Variants in KSR1 observed in about 807,000 individuals in gnomAD.
KSR1 encodes kinase suppressor of ras 1.
KSR1 carries 35 observed loss-of-function variants against 92.9 expected under a neutral mutation model. That is an observed-to-expected ratio of 0.38 (90% confidence interval 0.29 to 0.50). The LOEUF is 0.50. KSR1 is among the 20% of genes least tolerant of loss of function. KSR1 has a pLI of 0.94. For missense variants in KSR1, 972 were observed against 1,158.5 expected (o/e 0.84, Z 2.34); for synonymous variants, 467 against 472.6 (o/e 0.99, Z 0.15).
chr17:27,474,956 G>A lies in KSR1; in HGVS notation c.231+18082G>A, dbSNP rs115277506. 8.7e-4 allele frequency among the ~76,000 whole-genome samples: 132 copies of A among 152,276 alleles called. 2 individuals are homozygous for A. Among genetic ancestry groups the A allele is most frequent in the African/African-American group, 3.1e-3 (127 of 41,540 alleles). ...AAGGAAAATGTGTTATCTGTTAAGT[G>A]GTAAAAGTGCTGTGGAGAAAATGAA... On this transcript the variant is annotated intron_variant, in intron 1 of 20. Coordinates refer to ENST00000644974, the MANE Select transcript of KSR1 (RefSeq NM_001394583.1).
At chr17:27,470,584 C>T (rs1333308235) in intron 1 of KSR1, among the ~76,000 whole-genome samples, 1 of 152,060 alleles carries the variant, frequency 6.6e-6, no homozygotes, top group African/African-American at 2.4e-5. Context: ...CCATATTGGC[C>T]AGGCTGATCT....
At chr17:27,505,576 G>C (rs1313332405) in intron 1 of KSR1, among the ~76,000 whole-genome samples, 1 of 67,294 alleles carries the variant, frequency 1.5e-5, no homozygotes, top group Non-Finnish European at 3.1e-5. Flanking sequence ...CTGGCTGTGT[G>C]GTCTTGAGCA....
intron 1 of KSR1, among the ~76,000 whole-genome samples, chr17:27,500,332 C>T (rs900564981): frequency 2.0e-5 from 3 of 152,158 alleles, no homozygotes; most frequent in Non-Finnish European, 4.4e-5. Flanking sequence ...AAGTGATGTT[C>T]CCAAGGCCAC....
chr17:27,601,767 G>A lies in KSR1; in HGVS notation c.1510+366G>A, dbSNP rs539820323. The A allele has an allele frequency of 1.4e-3, 966 of 697,778 alleles. 4 individuals carry two copies. The highest frequency in any genetic ancestry group is 1.6e-3 in the Non-Finnish European group (654 of 410,356). 43.2% of individuals were successfully genotyped at this position (697,778 alleles called of 1,614,324 possible). ...TAATGCCTTATGAGCATATGTCACC[G>A]TATCCTCCCTTGCACAATGATGGGA... On this transcript the variant is annotated intron_variant, in intron 11 of 20. Transcript: ENST00000644974.
At chr17:27,603,234 G>A (rs148469812) in intron 11 of KSR1, among the ~76,000 whole-genome samples, 57 of 152,346 alleles carry the variant, frequency 3.7e-4, no homozygotes, top group South Asian at 8.3e-4. Flanking sequence ...CCCCTGATAT[G>A]TGGCGTTTCT....
chr17:27,532,822 C>T (rs949957656), intron 1 of KSR1, among the ~76,000 whole-genome samples: 1 of 152,228 alleles, frequency 6.6e-6, no homozygotes, highest in Non-Finnish European at 1.5e-5. Flanking sequence ...TCAGTGATGT[C>T]TCCATCTGCA....
At chr17:27,508,118 A>G (rs1435050295) in intron 1 of KSR1, among the ~76,000 whole-genome samples, 1 of 152,176 alleles carries the variant, frequency 6.6e-6, no homozygotes, top group African/African-American at 2.4e-5. Flanking sequence ...TCACTGTGGC[A>G]GCCACCCTGC....
chr17:27,593,471 G>A (rs777304483), intron 9 of KSR1, among the ~76,000 whole-genome samples: 14 of 152,262 alleles, frequency 9.2e-5, no homozygotes, highest in East Asian at 1.9e-4. Context: ...CAGTTGCCCC[G>A]TGGCTGTGGC....
intron 1 of KSR1, among the ~76,000 whole-genome samples, chr17:27,478,796 G>A (rs1378691612): frequency 6.6e-6 from 1 of 152,118 alleles, no homozygotes; most frequent in Non-Finnish European, 1.5e-5. Flanking sequence ...GCTTTGTCAT[G>A]CTGTGACCCT....
chr17:27,461,241 C>G (rs2019421569), intron 1 of KSR1, among the ~76,000 whole-genome samples: 1 of 152,042 alleles, frequency 6.6e-6, no homozygotes, highest in African/African-American at 2.4e-5. Flanking sequence ...CCACTATGTC[C>G]AGCTAATTTT....
At chr17:27,563,254 T>C (rs550453066) in intron 2 of KSR1, among the ~76,000 whole-genome samples, 1 of 152,240 alleles carries the variant, frequency 6.6e-6, no homozygotes, top group Admixed American at 6.5e-5. Flanking sequence ...TTTTCCTTTC[T>C]CCTTTCCTGT....
At chr17:27,477,131 G>C (rs1462249726) in intron 1 of KSR1, among the ~76,000 whole-genome samples, 1 of 152,214 alleles carries the variant, frequency 6.6e-6, no homozygotes, top group African/African-American at 2.4e-5. Flanking sequence ...GAGTGTAGCA[G>C]TGAGAACAAC....
chr17:27,480,894 G>T (rs986551300), intron 1 of KSR1, among the ~76,000 whole-genome samples: 4 of 152,200 alleles, frequency 2.6e-5, no homozygotes, highest in African/African-American at 9.7e-5. Context: ...TTAGTCGCAT[G>T]CGTGTGTGTT....
chr17:27,608,533 T>G (rs892135232), intron 15 of KSR1, among the ~76,000 whole-genome samples: 5 of 152,192 alleles, frequency 3.3e-5, no homozygotes, highest in Admixed American at 6.5e-5. Context: ...TTAGTTCAAA[T>G]AGAGCATTGG....
chr17:27,561,837 G>A (rs534506069), intron 2 of KSR1, among the ~76,000 whole-genome samples: 27 of 152,088 alleles, frequency 1.8e-4, no homozygotes, highest in Non-Finnish European at 2.2e-4. Context: ...ACTGCTTGGT[G>A]TTTGTTTGTT....
chr17:27,619,217 TGTG>T (rs1037520717), intron 19 of KSR1, among the ~76,000 whole-genome samples: 80 of 152,112 alleles, frequency 5.3e-4, no homozygotes, highest in African/African-American at 1.9e-3. Flanking sequence ...TGGCGCCAGG[TGTG>T]GTGATGGCAG....
chr17:27,478,949 C>T, intron 1 of KSR1, among the ~76,000 whole-genome samples: 1 of 151,754 alleles, frequency 6.6e-6, no homozygotes, highest in East Asian at 1.9e-4. Context: ...CATGCTCCTC[C>T]CTCCATTCAT....
At chr17:27,467,934 C>A (rs1210098348) in intron 1 of KSR1, among the ~76,000 whole-genome samples, 1 of 151,832 alleles carries the variant, frequency 6.6e-6, no homozygotes, top group Non-Finnish European at 1.5e-5. Flanking sequence ...GCCACAGCCT[C>A]CCGAGTAGCT....
chr17:27,565,550 A>G (rs1028177276), intron 2 of KSR1, among the ~76,000 whole-genome samples: 2 of 152,180 alleles, frequency 1.3e-5, no homozygotes, highest in African/African-American at 4.8e-5. Flanking sequence ...TTAGTCTCCC[A>G]AGTAGCTGGG....
Sources: allele counts gnomAD v4.1 joint callset (sites outside exome capture counted in the v4.1 genomes callset), GRCh38; gene constraint gnomAD v4.1.1; transcripts MANE v1.5; gene names NCBI Gene and HGNC (gene_info 2026-07-23, HGNC 2026-07-21).